The following AFF3 variants were observed in gnomAD, a reference collection of about 807,000 sequenced individuals.
AFF3 encodes the protein ALF transcription elongation factor 3, also known as AF4/FMR2 family member 3.
AFF3 carries 32 observed loss-of-function variants against 129.7 expected under a neutral mutation model. That is an observed-to-expected ratio of 0.25 (90% confidence interval 0.19 to 0.33). The LOEUF is 0.33. AFF3 is among the 10% of genes least tolerant of loss of function. The pLI is 1.00. For missense variants in AFF3, 1,373 were observed against 1,592.0 expected (o/e 0.86, Z 2.34); for synonymous variants, 644 against 635.4 (o/e 1.01, Z -0.20).
intron 7 of AFF3, among the ~76,000 whole-genome samples, chr2:99,861,173 C>A (rs890579260): frequency 3.3e-5 from 5 of 152,158 alleles, no homozygotes; most frequent in Non-Finnish European, 7.3e-5. Context: ...AGCAATGTTG[C>A]CAGTTAAATG....
intron 13 of AFF3, among the ~76,000 whole-genome samples, chr2:99,623,881 A>T (rs539068028): frequency 3.9e-5 from 6 of 152,152 alleles, no homozygotes; most frequent in Non-Finnish European, 8.8e-5. Context: ...GCTGAGAGGG[A>T]CCCATGGGAG....
At chr2:99,787,491 G>A (rs1388599428) in intron 8 of AFF3, among the ~76,000 whole-genome samples, 3 of 152,196 alleles carry the variant, frequency 2.0e-5, no homozygotes, top group East Asian at 1.9e-4. Flanking sequence ...GCTTTAAGGC[G>A]ATGTGCCCCC....
At chr2:99,861,320 T>G (rs972385791) in intron 7 of AFF3, among the ~76,000 whole-genome samples, 1 of 152,190 alleles carries the variant, frequency 6.6e-6, no homozygotes, top group Non-Finnish European at 1.5e-5. Flanking sequence ...GTAGGCTCTT[T>G]CTATGGTAAT....
At chr2:100,116,874 A>G (rs1432357251) in intron 2 of AFF3, among the ~76,000 whole-genome samples, 4 of 152,118 alleles carry the variant, frequency 2.6e-5, no homozygotes, top group African/African-American at 7.2e-5. Context: ...TAGTAAGGGA[A>G]CATCAATTTT....
At chr2:99,666,216 A>G (rs929771941) in intron 12 of AFF3, among the ~76,000 whole-genome samples, 1 of 152,200 alleles carries the variant, frequency 6.6e-6, no homozygotes, top group East Asian at 1.9e-4. Flanking sequence ...ACACGGTGAA[A>G]TTCAGGTTGT....
chr2:99,852,288 C>A (rs1039097698), intron 7 of AFF3, among the ~76,000 whole-genome samples: 1 of 151,736 alleles, frequency 6.6e-6, no homozygotes, highest in African/African-American at 2.4e-5. Context: ...ACTGTGCCCC[C>A]AAAGAAGAGA....
At position 99,551,455 on chromosome 2, in the gene AFF3, T is replaced by C. The variant is rs1167324808; in HGVS notation, c.*19A>G. ...CATCTGTGGAGACCAGAGCCCACTC[T>C]GGCCCCAGGGTGAGGTCCCTATGAC... On this transcript the variant is annotated 3_prime_UTR_variant, in exon 25 of 25. Transcript: ENST00000672756. 6.2e-7 allele frequency: 1 copy of C among 1,613,652 alleles called. No homozygotes were observed. The highest frequency in any genetic ancestry group is 8.5e-7 in the Non-Finnish European group (1 of 1,179,954).
chr2:99,902,211 T>C (rs973533086), intron 7 of AFF3, among the ~76,000 whole-genome samples: 2 of 151,954 alleles, frequency 1.3e-5, no homozygotes, highest in East Asian at 1.9e-4. Context: ...ATAAATAGTA[T>C]AAATAATTTA....
intron 7 of AFF3, among the ~76,000 whole-genome samples, chr2:99,880,777 G>T (rs952216632): frequency 1.3e-5 from 2 of 152,204 alleles, no homozygotes; most frequent in Admixed American, 6.5e-5. Context: ...AAGGAGATCA[G>T]AGAGGAAAGA....
chr2:100,087,151 A>G (rs2105387570), intron 4 of AFF3, among the ~76,000 whole-genome samples: 1 of 152,264 alleles, frequency 6.6e-6, no homozygotes, highest in Non-Finnish European at 1.5e-5. Context: ...GCAAGGTAGT[A>G]GAGCTTCAAA....
At chr2:99,962,961 C>T (rs1677382074) in intron 7 of AFF3, among the ~76,000 whole-genome samples, 1 of 150,674 alleles carries the variant, frequency 6.6e-6, no homozygotes. Context: ...ATAGGATAAA[C>T]AAACCCAAGC....
At chr2:99,578,232 TGAA>T (rs1435647030) in intron 18 of AFF3, 92 bp downstream of exon 18, 10 of 1,463,202 alleles carry the variant, frequency 6.8e-6, no homozygotes, top group Non-Finnish European at 9.0e-6. Context: ...GCACTGTAGC[TGAA>T]GGTGGCCACA....
chr2:99,590,704 C>T (rs1678581789), intron 15 of AFF3, among the ~76,000 whole-genome samples: 1 of 152,154 alleles, frequency 6.6e-6, no homozygotes, highest in South Asian at 2.1e-4. Flanking sequence ...ATAAAATTAT[C>T]TTTGCTGGCC....
intron 13 of AFF3, among the ~76,000 whole-genome samples, chr2:99,611,011 C>T (rs1680866733): frequency 6.6e-6 from 1 of 152,136 alleles, no homozygotes; most frequent in Non-Finnish European, 1.5e-5. Context: ...TCTGTTGTTC[C>T]TATCAGGCAA....
chr2:99,831,884 C>A (rs975656364), intron 8 of AFF3, among the ~76,000 whole-genome samples: 5 of 152,184 alleles, frequency 3.3e-5, no homozygotes, highest in Admixed American at 1.3e-4. Flanking sequence ...AACCACCTTT[C>A]AAGGACATAC....
chr2:100,078,480 A>G (rs961889698), intron 4 of AFF3, among the ~76,000 whole-genome samples: 2 of 152,296 alleles, frequency 1.3e-5, no homozygotes, highest in Non-Finnish European at 2.9e-5. Flanking sequence ...AGGAATATCT[A>G]TGTAGGACTT....
chr2:99,881,127 T>C (rs1250585455), intron 7 of AFF3, among the ~76,000 whole-genome samples: 1 of 152,168 alleles, frequency 6.6e-6, no homozygotes, highest in Non-Finnish European at 1.5e-5. Context: ...TACTCTATAC[T>C]TCATGGAAGT....
At chr2:99,834,835 A>G (rs1381151690) in intron 8 of AFF3, among the ~76,000 whole-genome samples, 3 of 152,102 alleles carry the variant, frequency 2.0e-5, no homozygotes, top group African/African-American at 4.8e-5. Flanking sequence ...TAGATTCTCA[A>G]TGTTCCTCGG....
chr2:100,038,355 C>A (rs942717619), intron 4 of AFF3, among the ~76,000 whole-genome samples: 3 of 149,658 alleles, frequency 2.0e-5, no homozygotes, highest in South Asian at 2.1e-4. Flanking sequence ...ATCAAGTTGT[C>A]TTATATTTTC....
Sources: gnomAD v4.1 joint callset for allele counts (sites outside exome capture counted in the v4.1 genomes callset) on GRCh38, gnomAD v4.1.1 for gene constraint, MANE v1.5 for transcripts, NCBI Gene and HGNC (gene_info 2026-07-23, HGNC 2026-07-21) for gene names.